Variants in HDC observed in about 807,000 individuals in gnomAD.
HDC encodes histidine decarboxylase.
HDC carries 27 observed loss-of-function variants against 64.4 expected under a neutral mutation model. That is an observed-to-expected ratio of 0.42 (90% CI 0.31 to 0.58). The LOEUF is 0.58. Among genes scored for constraint, HDC ranks in the 20% least tolerant of loss-of-function variants. The pLI is 0.16. For missense variants in HDC, 711 were observed against 833.9 expected (o/e 0.85, Z 1.81); for synonymous variants, 305 against 314.2 (o/e 0.97, Z 0.31).
At chr15:50,259,546 C>G (rs2045675976) in intron 2 of HDC, among the ~76,000 whole-genome samples, 1 of 152,218 alleles carries the variant, frequency 6.6e-6, no homozygotes, top group Non-Finnish European at 1.5e-5. Flanking sequence ...TCTCACTGCT[C>G]TGCAAGCATG....
intron 1 of HDC, among the ~76,000 whole-genome samples, chr15:50,264,693 G>T (rs1417865084): frequency 6.6e-6 from 1 of 152,080 alleles, no homozygotes; most frequent in Non-Finnish European, 1.5e-5. Flanking sequence ...TCTCCCCTCT[G>T]CATCAGCTTA....
At position 50,254,584 on chromosome 15, in the gene HDC, G is replaced by T. The variant is rs199889175; in HGVS notation, c.522C>A (p.Pro174=). 2.5e-6 allele frequency: 4 copies of T among 1,614,056 alleles called. No individual in the cohort carries two copies. Among genetic ancestry groups the T allele is most frequent in the Non-Finnish European group, 3.4e-6 (4 of 1,180,050 alleles). ...CATTTAGGCAGGACTCATCAGCATC[G>T]GGCTCAGACGTTTTCATTTCCAGGA... The part of the protein sequence containing the change: ...NKILEMKTSE[P]DADESCLNAR... Residue 174 remains proline, a synonymous_variant, in exon 5 of 12, where the codon CCC becomes CCA. Transcript: ENST00000267845.
intron 6 of HDC, 155 bp downstream of exon 6, chr15:50,253,975 C>T: frequency 1.3e-6 from 1 of 789,974 alleles, no homozygotes; most frequent in Non-Finnish European, 2.1e-6. Flanking sequence ...TATTCCATAA[C>T]ACACCTATGG....
intron 11 of HDC, 67 bp downstream of exon 11, chr15:50,243,076 G>A: frequency 6.2e-7 from 1 of 1,613,604 alleles, no homozygotes; most frequent in African/African-American, 1.3e-5. Flanking sequence ...CCCAGCATTT[G>A]TGTTTCCGAG....
At chr15:50,243,639 G>A (rs1290104218) in intron 10 of HDC, among the ~76,000 whole-genome samples, 6 of 152,240 alleles carry the variant, frequency 3.9e-5, no homozygotes, top group African/African-American at 1.2e-4. Flanking sequence ...TGCCTCATGC[G>A]AGCTGCGTGT....
chr15:50,250,397 T>C (rs1279981864), intron 9 of HDC, among the ~76,000 whole-genome samples: 1 of 152,036 alleles, frequency 6.6e-6, no homozygotes, highest in Non-Finnish European at 1.5e-5. Context: ...GAAGGGTAAG[T>C]GTAAGGCAGT....
chr15:50,251,397 G>T (rs978066447), intron 9 of HDC, among the ~76,000 whole-genome samples: 1 of 152,168 alleles, frequency 6.6e-6, no homozygotes, highest in African/African-American at 2.4e-5. Context: ...AATACCCTAT[G>T]AATCAATGCC....
chr15:50,258,016 G>C (rs2045654956), intron 3 of HDC, among the ~76,000 whole-genome samples: 1 of 150,776 alleles, frequency 6.6e-6, no homozygotes, highest in Non-Finnish European at 1.5e-5. Context: ...GGAAGTCTTA[G>C]GACATATCTC....
At chr15:50,245,760 T>C (rs558440648) in intron 10 of HDC, among the ~76,000 whole-genome samples, 2 of 152,122 alleles carry the variant, frequency 1.3e-5, no homozygotes. Context: ...CCAGGCATGA[T>C]GGTATGCGCC....
chr15:50,252,439 G>A lies in HDC; in HGVS notation c.1032C>T (p.Thr344=), dbSNP rs1567450060. The A allele has an allele frequency of 6.2e-7, 1 of 1,613,732 alleles. No individual in the cohort carries two copies. Among genetic ancestry groups the A allele is most frequent in the East Asian group, 2.2e-5 (1 of 44,876 alleles). ...YLRHANSGVA[T]DFMHWQIPLS... is the part of the protein sequence containing the mutation. ...GTCCCTGGCCACTCACCATGAAGTCGGTGGCCACGCCTGAGTTGGCATGCC... is the reference window on the plus strand; with the variant it reads ...GTCCCTGGCCACTCACCATGAAGTCAGTGGCCACGCCTGAGTTGGCATGCC... Residue 344 remains threonine, a synonymous_variant, in exon 9 of 12, where the codon ACC becomes ACT. Transcript: ENST00000267845.
intron 4 of HDC, among the ~76,000 whole-genome samples, chr15:50,255,497 G>T (rs1441274997): frequency 6.6e-6 from 1 of 152,094 alleles, no homozygotes; most frequent in Non-Finnish European, 1.5e-5. Flanking sequence ...TTTATGTAAA[G>T]AAGTATGTAG....
chr15:50,248,174 GAAACCAGCC>G lies in HDC; in HGVS notation c.1140+62_1140+70del. On this transcript the variant is annotated intron_variant, in intron 10 of 11. Coordinates refer to ENST00000267845, the MANE Select transcript of HDC (RefSeq NM_002112.4). This position sits in a 1 kb window ranked among gnomAD's most constrained non-coding sequence, Gnocchi z 4.3. ...GTCTCCTAGGCAGATCTGCAAAGTA[GAAACCAGCC>G]TTCCTCGCCATGAGAAAACAGAGGA... The G allele has an allele frequency of 8.8e-7, 1 of 1,134,662 alleles. No individual in the cohort carries two copies. The highest frequency in any genetic ancestry group is 2.4e-5 in the East Asian group (1 of 41,902). 70.3% of individuals were successfully genotyped at this position (1,134,662 alleles called of 1,614,324 possible).
intron 4 of HDC, 128 bp from the exon 5 acceptor site, chr15:50,254,792 T>C: frequency 3.2e-6 from 3 of 924,332 alleles, no homozygotes; most frequent in Non-Finnish European, 5.0e-6. Context: ...GTGTATGTGT[T>C]TGTGTATGTG....
Position 50,248,200 on chromosome 15 carries a change from A to G in HDC, c.1140+45T>C. On this transcript the variant is annotated intron_variant, in intron 10 of 11. Coordinates refer to ENST00000267845, the MANE Select transcript of HDC (RefSeq NM_002112.4). The surrounding 1 kb of genome is among the most constrained non-coding windows in gnomAD (Gnocchi z 4.3). ...AAACCAGCCTTCCTCGCCATGAGAA[A>G]ACAGAGGAACACAGGCTCAGCCCCC... The G allele has an allele frequency of 7.3e-7, 1 of 1,369,686 alleles. No individual in the cohort carries two copies. The highest frequency in any genetic ancestry group is 1.0e-6 in the Non-Finnish European group (1 of 958,542). The allele number at this position is 1,369,686 out of a possible 1,614,324, so 84.8% of individuals were successfully genotyped here.
intron 10 of HDC, among the ~76,000 whole-genome samples, chr15:50,243,450 T>C (rs757386178): frequency 1.5e-4 from 23 of 152,228 alleles, no homozygotes; most frequent in Non-Finnish European, 3.1e-4. Flanking sequence ...TCCTGTCACA[T>C]GGGATCCACC....
intron 9 of HDC, among the ~76,000 whole-genome samples, chr15:50,251,791 C>T (rs1421123537): frequency 1.3e-5 from 2 of 150,116 alleles, no homozygotes; most frequent in East Asian, 3.9e-4. Flanking sequence ...AAGATGGCGC[C>T]ACTGCTCTCC....
chr15:50,254,439 C>A, intron 5 of HDC, 91 bp downstream of exon 5: 3 of 1,567,588 alleles, frequency 1.9e-6, no homozygotes, highest in Non-Finnish European at 2.6e-6. Flanking sequence ...AGAACCCCAG[C>A]GTACTCACGT....
intron 4 of HDC, 72 bp from the exon 5 acceptor site, chr15:50,254,736 TTTTCTCTC>T (rs878985197): frequency 0.012 from 14,475 of 1,219,524 alleles, 574 homozygotes; most frequent in Non-Finnish European, 0.013. Flanking sequence ...CTTTCTAGTT[TTTTCTCTC>T]TCTCTCTCTC....
At chr15:50,260,330 T>G (rs554914619) in intron 2 of HDC, among the ~76,000 whole-genome samples, 19 of 152,252 alleles carry the variant, frequency 1.2e-4, no homozygotes, top group African/African-American at 4.3e-4. Context: ...CTCCTTCTTT[T>G]TTGTTTTTCA....
Sources: gnomAD v4.1 joint callset for allele counts (sites outside exome capture counted in the v4.1 genomes callset) on GRCh38, gnomAD v4.1.1 for gene constraint, Gnocchi (gnomAD v3.1) non-coding constraint, MANE v1.5 for transcripts, NCBI Gene and HGNC (gene_info 2026-07-23, HGNC 2026-07-21) for gene names.